Variants in OBP2A observed in about 807,000 individuals in gnomAD.
OBP2A encodes the protein odorant-binding protein 2a.
Under a neutral mutation model 21.9 loss-of-function variants are expected in OBP2A, and 15 were observed. The observed-to-expected ratio is 0.69, with a 90% CI of 0.46 to 1.06. The LOEUF (loss-of-function observed/expected upper bound fraction) is 1.06, where lower values mean the gene tolerates loss of function less well. Ranked by LOEUF, OBP2A falls within the 50% of genes least tolerant of loss-of-function variation. The probability of loss-of-function intolerance (pLI) is 0.00; values close to 1 mark genes in which losing one functional copy is unlikely to be tolerated. For missense variants in OBP2A, 192 were observed against 220.1 expected (o/e 0.87, Z 0.81); for synonymous variants, 86 against 91.8 (o/e 0.94, Z 0.36).
chr9:135,548,836 G>C (rs375873479), intron 5 of OBP2A, 27 bp downstream of exon 5: 2 of 1,609,310 alleles, frequency 1.2e-6, no homozygotes, highest in African/African-American at 1.3e-5. Flanking sequence ...CCAGTACCCC[G>C]TGTTCCCCTG....
At position 135,546,848 on chromosome 9, in the gene OBP2A, A is replaced by G; in HGVS notation, c.143A>G (p.Lys48Arg). Residue 48 changes from lysine (K) to arginine (R), a missense_variant, in exon 2 of 7, where the codon AAG becomes AGG. Lys to Arg is a conservative substitution (Grantham distance 26). Transcript: ENST00000371776. ...TTTCCGGAGGACAGGAGGCCCAGGA[A>G]GGTGTCCCCAGTGAAGGTGACAGCC... is the stretch of plus-strand genomic sequence containing the variant. ...KDFPEDRRPR[K>R]VSPVKVTALG... 6.2e-7 allele frequency: 1 copy of G among 1,613,708 alleles called. No homozygotes were observed. The highest frequency in any genetic ancestry group is 8.5e-7 in the Non-Finnish European group (1 of 1,179,694).
Position 135,549,925 on chromosome 9 carries a change from C to G in OBP2A, c.*90C>G, listed in dbSNP as rs759660445. On this transcript the variant is annotated 3_prime_UTR_variant, in exon 7 of 7. Transcript: ENST00000371776. The stretch of plus-strand genomic sequence containing the variant: ...GACCTACCCTCCAGCCATGACCCTT[C>G]CCTGCTCCCACCCACCTGACTCCAA... 6.5e-7 allele frequency: 1 copy of G among 1,543,070 alleles called. No individual in the cohort carries two copies. The highest frequency in any genetic ancestry group is 8.7e-7 in the Non-Finnish European group (1 of 1,143,090).
chr9:135,547,013 G>A, intron 2 of OBP2A, 102 bp downstream of exon 2: 1 of 1,580,408 alleles, frequency 6.3e-7, no homozygotes, highest in Non-Finnish European at 8.6e-7. Flanking sequence ...GTTGGGAAGA[G>A]TCACCCCCTG....
rs1310740341 is a variant in OBP2A at position 135,549,744 on chromosome 9, T to C, written c.*2-93T>C. On this transcript the variant is annotated intron_variant, in intron 6 of 6. Coordinates refer to ENST00000371776, the MANE Select transcript of OBP2A (RefSeq NM_014582.3). ...CCCGAGGCTGCCCAGCAGTGGCCGA[T>C]GTGGAAGCTGCAGAGCCTGGGGAGG... The C allele has an allele frequency of 2.7e-5, 22 of 814,682 alleles. No individual in the cohort carries two copies. In the South Asian group the frequency reaches 2.9e-4, roughly 11 times the overall value. The allele number at this position is 814,682 out of a possible 1,614,324, so 50.5% of individuals were successfully genotyped here.
In OBP2A at chr9:135,546,207, G is replaced by A. The variant is rs141218272; in HGVS notation, c.27G>A (p.Thr9=). 3,997 of 1,512,682 alleles carry A rather than the reference G, an allele frequency of 2.6e-3. 91 individuals carry two copies. The highest frequency in any genetic ancestry group is 3.2e-3 in the Non-Finnish European group (3,521 of 1,105,952). The allele number at this position is 1,512,682 out of a possible 1,614,324, so 93.7% of individuals were successfully genotyped here. A position where few individuals can be genotyped will look rare whatever the true frequency, so the allele number is the denominator to read the frequency against. MKTLFLGV[T]LGLAAALSFT... The stretch of plus-strand genomic sequence containing the variant: ...TGAAGACCCTGTTCCTGGGTGTCAC[G>A]CTCGGCCTGGCCGCTGCCCTGTCCT... The change falls in exon 1 of 7, where the codon ACG becomes ACA. Residue 9 remains threonine, a synonymous_variant. Transcript: ENST00000371776.
rs146477142 is a variant in OBP2A at position 135,547,768 on chromosome 9, C to T, written c.278-103C>T. On this transcript the variant is annotated intron_variant, in intron 3 of 6. Transcript: ENST00000371776. ...GGCCTGGCTCAGGCTGTCCAGGGCA[C>T]CTGGGTGACCACTGAAACATTCCTG... is the stretch of plus-strand genomic sequence containing the variant. 2.9e-4 allele frequency: 267 copies of T among 909,034 alleles called. 1 individual carries two copies. In the East Asian group the frequency reaches 6.6e-3, roughly 23 times the overall value. The allele number at this position is 909,034 out of a possible 1,614,324, so 56.3% of individuals were successfully genotyped here.
In OBP2A at chr9:135,548,765, A is replaced by G. The variant is rs201137572; in HGVS notation, c.446A>G (p.His149Arg). ...GAAGAATTTAAGAAATTGGTGCAGC[A>G]CAAGGGACTCTCGGAGGAGGACATT... ...ALEEFKKLVQ[H>R]KGLSEEDIFM... The change falls in exon 5 of 7, where the codon CAC (histidine) becomes CGC (arginine). Residue 149 changes from histidine (H) to arginine (R), a missense_variant. By Grantham distance (29) the His-to-Arg change is conservative. Coordinates refer to ENST00000371776, the MANE Select transcript of OBP2A (RefSeq NM_014582.3). 5.1e-5 allele frequency: 82 copies of G among 1,613,890 alleles called. No homozygotes were observed. The East Asian group carries it at 6.0e-4, about 12-fold the overall frequency.
rs1428285610 is a variant in OBP2A at position 135,546,247 on chromosome 9, G to A, written c.67G>A (p.Glu23Lys). The change falls in exon 1 of 7, where the codon GAG (glutamate) becomes AAG (lysine). Residue 23 changes from glutamate (E) to lysine (K), a missense_variant. Coordinates refer to ENST00000371776, the MANE Select transcript of OBP2A (RefSeq NM_014582.3). ...TGCCCTGTCCTTCACCCTGGAGGAG[G>A]AGGATGTGAGCTGGGTTGGCGTGGG... is the stretch of plus-strand genomic sequence containing the variant. The part of the protein sequence containing the change: ...AAALSFTLEE[E>K]DITGTWYVKA... The A allele has an allele frequency of 6.6e-7, 1 of 1,507,962 alleles. No homozygotes were observed. The highest frequency in any genetic ancestry group is 9.1e-7 in the Non-Finnish European group (1 of 1,098,776). 93.4% of individuals were successfully genotyped at this position (1,507,962 alleles called of 1,614,324 possible).
chr9:135,549,775 C>G (rs1176554590), intron 6 of OBP2A, 62 bp from the exon 7 acceptor site: 1 of 1,149,288 alleles, frequency 8.7e-7, no homozygotes, highest in Non-Finnish European at 1.2e-6. Context: ...GGAGGGAGCT[C>G]TGGGCCTGGC....
rs139660402 is a variant in OBP2A at position 135,547,215 on chromosome 9, C to T, written c.244C>T (p.Arg82Trp). 6.9e-5 allele frequency: 111 copies of T among 1,613,214 alleles called. 1 individual carries two copies. In the African/African-American group the frequency reaches 9.1e-4, roughly 13 times the overall value. The change falls in exon 3 of 7, where the codon CGG becomes TGG. Residue 82 changes from arginine to tryptophan, a missense_variant. By Grantham distance (101) the Arg-to-Trp change is moderately radical (BLOSUM62 -3). Transcript: ENST00000371776. ...DRCIQKKILM[R>W]KTEEPGKFSA... ...GTGCATCCAGAAGAAAATCCTGATGCGGAAGACGGAGGAGCCTGGCAAATT... is the reference window on the plus strand; with the variant it reads ...GTGCATCCAGAAGAAAATCCTGATGTGGAAGACGGAGGAGCCTGGCAAATT...
rs556119834 is a variant in OBP2A, at chr9:135,546,642, G to A, written c.73-136G>A. The A allele has an allele frequency of 6.6e-5, 95 of 1,444,614 alleles. No homozygotes were observed. In the African/African-American group the frequency reaches 1.3e-3, roughly 19 times the overall value. 89.5% of individuals were successfully genotyped at this position (1,444,614 alleles called of 1,614,324 possible). A position where few individuals can be genotyped will look rare whatever the true frequency, so the allele number is the denominator to read the frequency against. ...TCACTCCAGCTGAGCTCTAACTAAG[G>A]TGCAGGAACCCAGCCTGCCTTTAGG... On this transcript the variant is annotated intron_variant, in intron 1 of 6. Coordinates refer to ENST00000371776, the MANE Select transcript of OBP2A (RefSeq NM_014582.3).
At chr9:135,547,628 G>T (rs555254079) in intron 3 of OBP2A, among the ~76,000 whole-genome samples, 42 of 152,342 alleles carry the variant, frequency 2.8e-4, no homozygotes, top group African/African-American at 9.6e-4. Context: ...GAGCTGGGAA[G>T]GCCGGACTCT....
chr9:135,549,739 G>C, intron 6 of OBP2A, 98 bp from the exon 7 acceptor site: 1 of 779,596 alleles, frequency 1.3e-6, no homozygotes, highest in Non-Finnish European at 2.0e-6. Flanking sequence ...CCCAGCAGTG[G>C]CCGATGTGGA....
chr9:135,549,651 C>G (rs1325323730), intron 6 of OBP2A, 186 bp from the exon 7 acceptor site: 3 of 593,146 alleles, frequency 5.1e-6, no homozygotes, highest in Non-Finnish European at 9.0e-6. Flanking sequence ...TCTACTCCCC[C>G]CCACCCACTC....
intron 4 of OBP2A, 109 bp from the exon 5 acceptor site, chr9:135,548,599 C>T: frequency 6.6e-7 from 1 of 1,524,934 alleles, no homozygotes; most frequent in South Asian, 1.3e-5. Context: ...CACTCTCGGG[C>T]CTCTCCCCCG....
chr9:135,548,560 G>C, intron 4 of OBP2A, 148 bp from the exon 5 acceptor site: 1 of 1,160,602 alleles, frequency 8.6e-7, no homozygotes, highest in South Asian at 1.6e-5. Flanking sequence ...CATCTCTTCT[G>C]TCCCCAGCCC....
chr9:135,547,069 G>C, intron 2 of OBP2A, 109 bp from the exon 3 acceptor site: 4 of 1,472,056 alleles, frequency 2.7e-6, no homozygotes, highest in African/African-American at 2.7e-5. Context: ...GGTGGGGTGG[G>C]GGGGCAGTGG....
chr9:135,548,217 G>A (rs536349870), intron 4 of OBP2A, among the ~76,000 whole-genome samples: 34 of 152,300 alleles, frequency 2.2e-4, no homozygotes, highest in South Asian at 1.2e-3. Context: ...GCCAAGGGCC[G>A]CTTGTGGGGT....
At chr9:135,548,844 CTG>C in intron 5 of OBP2A, 35 bp downstream of exon 5, 4 of 1,604,852 alleles carry the variant, frequency 2.5e-6, no homozygotes, top group Non-Finnish European at 3.4e-6. Flanking sequence ...CCGTGTTCCC[CTG>C]TGTCTCTGTG....
Sources: gnomAD v4.1 joint callset for allele counts (sites outside exome capture counted in the v4.1 genomes callset) on GRCh38, gnomAD v4.1.1 for gene constraint, MANE v1.5 for transcripts, NCBI Gene and HGNC (gene_info 2026-07-23, HGNC 2026-07-21) for gene names.